Variants in SLC7A4 observed in about 807,000 individuals in gnomAD.
The protein encoded by SLC7A4 is solute carrier family 7 member 4.
Under a neutral mutation model 37.8 loss-of-function variants are expected in SLC7A4, and 30 were observed. The ratio of observed to expected loss-of-function variants is 0.79; its 90% confidence interval spans 0.59 to 1.08. The LOEUF (loss-of-function observed/expected upper bound fraction) is 1.08, where lower values mean the gene tolerates loss of function less well. SLC7A4 is among the 50% of genes least tolerant of loss of function. The pLI is 0.00. For synonymous variants in SLC7A4, 359 were observed against 376.5 expected (o/e 0.95, Z 0.54); for missense variants, 839 against 843.2 (o/e 1.00, Z 0.06).
chr22:21,031,892 G>A, intron 1 of SLC7A4, 40 bp from the exon 2 acceptor site: 1 of 1,379,034 alleles, frequency 7.3e-7, no homozygotes, highest in Admixed American at 2.8e-5. Flanking sequence ...GCGTAGCCGG[G>A]GCCTGACCAG....
At position 21,031,526 on chromosome 22, in the gene SLC7A4, A is replaced by G; in HGVS notation, c.287T>C (p.Val96Ala). The G allele has an allele frequency of 6.2e-7, 1 of 1,610,798 alleles. No homozygotes were observed. Residue 96 changes from valine (V) to alanine (A), a missense_variant, in exon 2 of 5, where the codon GTG becomes GCG. By Grantham distance (64) the Val-to-Ala change is moderately conservative. Coordinates refer to ENST00000382932, the MANE Select transcript of SLC7A4 (RefSeq NM_004173.3). ...ALCYAEFGAR[V>A]PRTGSAYLFT... ...CAGGTAGGCAGAGCCCGTGCGTGGC[A>G]CACGTGCCCCAAATTCTGCATAGCA...
Position 21,030,310 on chromosome 22 carries a change from G to A in SLC7A4, c.1024C>T (p.Arg342Cys), listed in dbSNP as rs762656597. Residue 342 changes from arginine (R) to cysteine (C), a missense_variant, in exon 3 of 5, where the codon CGC becomes TGC. By Grantham distance (180) the Arg-to-Cys change is radical (BLOSUM62 -3). Coordinates refer to ENST00000382932, the MANE Select transcript of SLC7A4 (RefSeq NM_004173.3). ...TCGGCGGCCATGGCATAGACAATGCGTGGCAGGGAGAAGAGGAGGCTGAGC... is the reference window on the plus strand; with the variant it reads ...TCGGCGGCCATGGCATAGACAATGCATGGCAGGGAGAAGAGGAGGCTGAGC... ...VLLSLLFSLP[R>C]IVYAMAADGL... is the part of the protein sequence containing the mutation. 5.6e-6 allele frequency: 9 copies of A among 1,612,106 alleles called. No homozygotes were observed. The highest frequency in any genetic ancestry group is 2.2e-5 in the East Asian group (1 of 44,808).
chr22:21,029,205 G>A lies in SLC7A4; in HGVS notation c.1758C>T (p.Gly586=). 1 of 1,613,892 alleles carries A rather than the reference G, an allele frequency of 6.2e-7. No individual in the cohort carries two copies. Among genetic ancestry groups the A allele is most frequent in the Non-Finnish European group, 8.5e-7 (1 of 1,179,988 alleles). Residue 586 remains glycine, a synonymous_variant, in exon 5 of 5, where the codon GGC becomes GGT. Transcript: ENST00000382932. The part of the protein sequence containing the change: ...LMGLAVYFGY[G]IRHSKENQRE... ...GCTGGTTCTCCTTGCTATGCCGGAT[G>A]CCATAGCCGAAATACACTGCAAGTC...
In SLC7A4 at chr22:21,029,393, G is replaced by A. The variant is rs1000843144; in HGVS notation, c.1675C>T (p.Leu559Phe). 1 of 1,613,750 alleles carries A rather than the reference G, an allele frequency of 6.2e-7. No individual in the cohort carries two copies. Among genetic ancestry groups the A allele is most frequent in the Non-Finnish European group, 8.5e-7 (1 of 1,180,006 alleles). The change falls in exon 4 of 5, where the codon CTC becomes TTC. Residue 559 changes from leucine (L) to phenylalanine (F), a missense_variant. Leu to Phe is a conservative substitution (Grantham distance 22). Transcript: ENST00000382932. ...GTCAGATAGCTAAGTTTCAGCATGA[G>A]GCAGATGTTGAGGACGATGCTCAGG... ...PALSIVLNICLMLKLSYLTWV... is the reference protein window; with the variant it reads ...PALSIVLNICFMLKLSYLTWV...
intron 1 of SLC7A4, among the ~76,000 whole-genome samples, chr22:21,032,209 G>GCTTCCC (rs1928912555): frequency 6.6e-6 from 1 of 152,166 alleles, no homozygotes; most frequent in Admixed American, 6.5e-5. Flanking sequence ...TGAAACCGAG[G>GCTTCCC]CTTCCCCAGA....
chr22:21,030,507 C>T (rs1410391324), intron 2 of SLC7A4, among the ~76,000 whole-genome samples, 156 bp from the exon 3 acceptor site: 1 of 152,068 alleles, frequency 6.6e-6, no homozygotes, highest in Admixed American at 6.6e-5. Flanking sequence ...AATAGATTGT[C>T]AGCGCTTTGC....
rs1376297993 is a variant in SLC7A4, at chr22:21,029,964, T to C, written c.1370A>G (p.Glu457Gly). 1.9e-6 allele frequency: 3 copies of C among 1,613,826 alleles called. No homozygotes were observed. In the African/African-American group the frequency reaches 4.0e-5, roughly 22 times the overall value. ...GTAGGGCCTCAGGGCTGGCTTCAGCTCCCCTGGCTCAGGGACGGAGGCGTG... is the reference window on the plus strand; with the variant it reads ...GTAGGGCCTCAGGGCTGGCTTCAGCCCCCCTGGCTCAGGGACGGAGGCGTG... The part of the protein sequence containing the change: ...TVHASVPEPG[E>G]LKPALRPYLG... The change falls in exon 3 of 5, where the codon GAG becomes GGG. Residue 457 changes from glutamate to glycine, a missense_variant. By Grantham distance (98) the Glu-to-Gly change is moderately conservative. Transcript: ENST00000382932.
Position 21,029,124 on chromosome 22 carries a change from C to T in SLC7A4, c.1839G>A (p.Leu613=), listed in dbSNP as rs2148113467. ...GCTGCATAGCCTGCACTGTCTCCTC[C>T]AGGCTGCCCCTGGGGAATACCACGT... ...THYVVFPRGS[L]EETVQAMQPP... The change falls in exon 5 of 5, where the codon CTG becomes CTA. Residue 613 remains leucine, a synonymous_variant. Transcript: ENST00000382932. 6.2e-7 allele frequency: 1 copy of T among 1,613,722 alleles called. No homozygotes were observed. Among genetic ancestry groups the T allele is most frequent in the Non-Finnish European group, 8.5e-7 (1 of 1,179,966 alleles).
chr22:21,030,683 A>G, intron 2 of SLC7A4, 148 bp downstream of exon 2: 1 of 998,760 alleles, frequency 1.0e-6, no homozygotes, highest in African/African-American at 1.6e-5. Flanking sequence ...CTTTTTTTGA[A>G]GTGAAGAGTT....
Position 21,028,749 on chromosome 22 carries a change from A to C in SLC7A4, c.*306T>G. On this transcript the variant is annotated 3_prime_UTR_variant, in exon 5 of 5. Transcript: ENST00000382932. ...AGCAGGCCACATGGCTGGCCAAGCA[A>C]TTATTATTATGGATCCCTTGGGCTG... 6.7e-6 allele frequency: 2 copies of C among 297,100 alleles called. No homozygotes were observed. Among genetic ancestry groups the C allele is most frequent in the East Asian group, 6.0e-5 (1 of 16,798 alleles). 18.4% of individuals were successfully genotyped at this position (297,100 alleles called of 1,614,324 possible).
In SLC7A4 at chr22:21,028,759, T is replaced by C. The variant is rs1400037092; in HGVS notation, c.*296A>G. 1 of 330,466 alleles carries C rather than the reference T, an allele frequency of 3.0e-6. No homozygotes were observed. The highest frequency in any genetic ancestry group is 5.5e-6 in the Non-Finnish European group (1 of 182,190). The allele number at this position is 330,466 out of a possible 1,614,324, so 20.5% of individuals were successfully genotyped here. A position where few individuals can be genotyped will look rare whatever the true frequency, so the allele number is the denominator to read the frequency against. ...ATGGCTGGCCAAGCAATTATTATTA[T>C]GGATCCCTTGGGCTGTGGGCCTTCC... On this transcript the variant is annotated 3_prime_UTR_variant, in exon 5 of 5. Coordinates refer to ENST00000382932, the MANE Select transcript of SLC7A4 (RefSeq NM_004173.3).
chr22:21,029,036 G>C lies in SLC7A4; in HGVS notation c.*19C>G. The C allele has an allele frequency of 6.3e-7, 1 of 1,581,442 alleles. No homozygotes were observed. The highest frequency in any genetic ancestry group is 8.6e-7 in the Non-Finnish European group (1 of 1,164,568). The stretch of plus-strand genomic sequence containing the variant: ...TCCCAAGCAGGTGTGGGAGGGCGGG[G>C]CAAGTGTGGGCTGATCAGCTACTCC... On this transcript the variant is annotated 3_prime_UTR_variant, in exon 5 of 5. Transcript: ENST00000382932.
In SLC7A4 at chr22:21,030,242, T is replaced by C; in HGVS notation, c.1092A>G (p.Thr364=). The change falls in exon 3 of 5, where the codon ACA becomes ACG. Residue 364 remains threonine, a synonymous_variant. Coordinates refer to ENST00000382932, the MANE Select transcript of SLC7A4 (RefSeq NM_004173.3). The part of the protein sequence containing the change: ...FQVFAHVHPR[T]QVPVAGTLAF... ...CCAGGGTGCCCGCCACAGGCACCTG[T>C]GTCCGGGGGTGCACATGGGCAAACA... 2 of 1,613,844 alleles carry C rather than the reference T, an allele frequency of 1.2e-6. No individual in the cohort carries two copies. Among genetic ancestry groups the C allele is most frequent in the Non-Finnish European group, 1.7e-6 (2 of 1,180,018 alleles).
rs2075278 is a variant in SLC7A4, at chr22:21,028,993, T to C, written c.*62A>G. 203,474 of 1,514,556 alleles carry C rather than the reference T, an allele frequency of 0.13. 22,147 individuals carry two copies. Among genetic ancestry groups the C allele is most frequent in the East Asian group, 0.54 (23,320 of 42,922 alleles). The allele number at this position is 1,514,556 out of a possible 1,614,324, so 93.8% of individuals were successfully genotyped here. A position where few individuals can be genotyped will look rare whatever the true frequency, so the allele number is the denominator to read the frequency against. ...CCCACAACAGAAGGGGCTCTCGGCT[T>C]GTCTGGCCTCTCTGGCCTCCCAAGC... On this transcript the variant is annotated 3_prime_UTR_variant, in exon 5 of 5. Coordinates refer to ENST00000382932, the MANE Select transcript of SLC7A4 (RefSeq NM_004173.3).
Position 21,029,731 on chromosome 22 carries a change from A to G in SLC7A4, c.1603T>C (p.Tyr535His), listed in dbSNP as rs753136686. 47 of 1,612,462 alleles carry G rather than the reference A, an allele frequency of 2.9e-5. No homozygotes were observed. The Middle Eastern group carries it at 8.2e-4, about 28-fold the overall frequency. ...LLVLGAHQQQ[Y>H]REDLFQIPMV... ...GGTACCTGAAATAAGTCTTCCCGATACTGTTGCTGGTGAGCCCCCAGGACA... is the reference window on the plus strand; with the variant it reads ...GGTACCTGAAATAAGTCTTCCCGATGCTGTTGCTGGTGAGCCCCCAGGACA... Residue 535 changes from tyrosine (Y) to histidine (H), a missense_variant, in exon 3 of 5, where the codon TAT becomes CAT. Physicochemically the swap from Tyr to His is moderately conservative, Grantham distance 83. Coordinates refer to ENST00000382932, the MANE Select transcript of SLC7A4 (RefSeq NM_004173.3).
rs755981916 is a variant in SLC7A4 at position 21,031,652 on chromosome 22, C to A, written c.161G>T (p.Gly54Val). The A allele has an allele frequency of 2.8e-5, 45 of 1,612,696 alleles. No individual in the cohort carries two copies. In the South Asian group the frequency reaches 4.9e-4, roughly 18 times the overall value. Residue 54 changes from glycine (G) to valine (V), a missense_variant, in exon 2 of 5, where the codon GGT becomes GTT. By Grantham distance (109) the Gly-to-Val change is moderately radical. Coordinates refer to ENST00000382932, the MANE Select transcript of SLC7A4 (RefSeq NM_004173.3). ...CACGGCACCTGTGAGCACGTAGAGA[C>A]CCGAGCCCACCATGCCACCCACGCC... ...LLGVGGMVGS[G>V]LYVLTGAVAK...
chr22:21,030,171 T>C lies in SLC7A4; in HGVS notation c.1163A>G (p.Glu388Gly). ...TAFLALLLDLESLVQFLSLGT... is the reference protein window; with the variant it reads ...TAFLALLLDLGSLVQFLSLGT... ...AAGGGACAGGAACTGAACCAGCGAC[T>C]CCAGGTCCAGCAGCAGTGCCAGGAA... Residue 388 changes from glutamate to glycine, a missense_variant, in exon 3 of 5, where the codon GAG becomes GGG. Physicochemically the swap from Glu to Gly is moderately conservative, Grantham distance 98. Transcript: ENST00000382932. 6.2e-7 allele frequency: 1 copy of C among 1,613,838 alleles called. No individual in the cohort carries two copies. The highest frequency in any genetic ancestry group is 1.1e-5 in the South Asian group (1 of 91,076).
At chr22:21,029,517 C>T (rs561392852) in intron 3 of SLC7A4, 73 bp from the exon 4 acceptor site, 143 of 1,318,048 alleles carry the variant, frequency 1.1e-4, no homozygotes, top group Non-Finnish European at 1.3e-4. Context: ...CTCACTTTCT[C>T]GGGAATCCAT....
chr22:21,032,138 G>T (rs1455503874), intron 1 of SLC7A4, among the ~76,000 whole-genome samples: 1 of 152,178 alleles, frequency 6.6e-6, no homozygotes, highest in Non-Finnish European at 1.5e-5. Flanking sequence ...GGAGGGAGCA[G>T]CTCCAGGGGG....
Sources: allele counts gnomAD v4.1 joint callset (sites outside exome capture counted in the v4.1 genomes callset), GRCh38; gene constraint gnomAD v4.1.1; transcripts MANE v1.5; gene names NCBI Gene and HGNC (gene_info 2026-07-23, HGNC 2026-07-21).